Variants in TPTE2 observed in about 807,000 individuals in gnomAD.
TPTE2 encodes transmembrane phosphoinositide 3-phosphatase and tensin homolog 2.
TPTE2 carries 53 observed loss-of-function variants against 78.6 expected under a neutral mutation model. That is an observed-to-expected ratio of 0.67 (90% confidence interval 0.54 to 0.85). The LOEUF (loss-of-function observed/expected upper bound fraction) is 0.85. TPTE2 is among the 40% of genes least tolerant of loss of function. The pLI, the probability that TPTE2 is intolerant of heterozygous loss-of-function variation, is 0.00. For missense variants in TPTE2, 461 were observed against 623.0 expected, an observed-to-expected ratio of 0.74 and a Z score of 2.77; for synonymous variants, 175 against 206.2, an observed-to-expected ratio of 0.85 and a Z score of 1.30.
At chr13:19,448,309 G>A (rs986806103) in intron 13 of TPTE2, among the ~76,000 whole-genome samples, 4 of 152,130 alleles carry the variant, frequency 2.6e-5, no homozygotes, top group African/African-American at 9.7e-5. Context: ...GGCAACAAAA[G>A]AAAAAGTAGA....
intron 1 of TPTE2, among the ~76,000 whole-genome samples, chr13:19,521,483 TA>T (rs1423223475): frequency 6.6e-6 from 1 of 152,062 alleles, no homozygotes; most frequent in East Asian, 1.9e-4. Context: ...ACAAGTCTCT[TA>T]TAGACAGCAT....
chr13:19,553,330 G>T, the TPTE2 span, among the ~76,000 whole-genome samples: 2 of 152,176 alleles, frequency 1.3e-5, no homozygotes, highest in East Asian at 3.8e-4. Flanking sequence ...ATTCCCACCA[G>T]TTACTGCTGC....
At chr13:19,443,737 TACAC>T (rs373060672) in intron 13 of TPTE2, among the ~76,000 whole-genome samples, 14,459 of 129,580 alleles carry the variant, frequency 0.11, 1,160 homozygotes, top group East Asian at 0.44. Context: ...TGGTAGCTAA[TACAC>T]ACACACACAC....
At chr13:19,524,238 T>G (rs1870364289) in intron 1 of TPTE2, among the ~76,000 whole-genome samples, 1 of 152,164 alleles carries the variant, frequency 6.6e-6, no homozygotes, top group African/African-American at 2.4e-5. Context: ...ATATGACAAG[T>G]GAACCAATAA....
At chr13:19,458,865 T>C in intron 10 of TPTE2, 1 of 310,536 alleles carries the variant, frequency 3.2e-6, no homozygotes, top group East Asian at 7.8e-5. Flanking sequence ...TGAATACTGC[T>C]GCAATGAACA....
At chr13:19,475,270 G>C (rs1317235125) in intron 5 of TPTE2, among the ~76,000 whole-genome samples, 1 of 151,186 alleles carries the variant, frequency 6.6e-6, no homozygotes, top group Non-Finnish European at 1.5e-5. Context: ...GTGTCGCCAA[G>C]GCTGCAGTGC....
chr13:19,504,464 T>C (rs1868857315), upstream of TPTE2, among the ~76,000 whole-genome samples: 1 of 151,982 alleles, frequency 6.6e-6, no homozygotes. Flanking sequence ...GCTCTGGGTG[T>C]GAGGAACCCT....
intron 4 of TPTE2, among the ~76,000 whole-genome samples, chr13:19,476,003 G>A (rs1268861192): frequency 2.0e-5 from 3 of 152,132 alleles, no homozygotes; most frequent in Admixed American, 6.6e-5. Flanking sequence ...TCAAACTTTG[G>A]CCAGATCTCA....
intron 3 of TPTE2, among the ~76,000 whole-genome samples, chr13:19,483,158 G>A (rs572450146): frequency 6.6e-6 from 1 of 152,370 alleles, no homozygotes; most frequent in African/African-American, 2.4e-5. Flanking sequence ...CATGGCTGCT[G>A]ACTGATCAGA....
the TPTE2 span, chr13:19,560,720 G>A: frequency 6.7e-7 from 1 of 1,488,370 alleles, no homozygotes; most frequent in South Asian, 1.2e-5. Context: ...CCTGTCGTCT[G>A]GGGGCCTCCA....
intron 1 of TPTE2, among the ~76,000 whole-genome samples, chr13:19,525,862 T>C (rs1870463786): frequency 6.8e-6 from 1 of 147,822 alleles, no homozygotes; most frequent in Non-Finnish European, 1.5e-5. Context: ...ACAACCTCAC[T>C]AAAAAAAAAG....
chr13:19,519,466 A>C (rs1870015809), intron 1 of TPTE2, among the ~76,000 whole-genome samples: 1 of 152,204 alleles, frequency 6.6e-6, no homozygotes. Context: ...GTATGATGTG[A>C]GAAAGAGATC....
At chr13:19,456,110 A>T (rs1878522981) in intron 10 of TPTE2, among the ~76,000 whole-genome samples, 1 of 152,210 alleles carries the variant, frequency 6.6e-6, no homozygotes, top group South Asian at 2.1e-4. Flanking sequence ...CATACATTTT[A>T]AAAATCCCAG....
intron 3 of TPTE2, among the ~76,000 whole-genome samples, chr13:19,490,518 C>T (rs1566062345): frequency 6.6e-6 from 1 of 152,132 alleles, no homozygotes; most frequent in Non-Finnish European, 1.5e-5. Context: ...CATTTCTTTA[C>T]TCCTAAACCT....
At chr13:19,473,810 T>C in intron 6 of TPTE2, 104 bp downstream of exon 9, 2 of 1,019,906 alleles carry the variant, frequency 2.0e-6, no homozygotes, top group Non-Finnish European at 2.7e-6. Flanking sequence ...TGGCCAGGAT[T>C]GTGTCGAACT....
the TPTE2 span, among the ~76,000 whole-genome samples, chr13:19,555,899 G>A: frequency 1.4e-5 from 2 of 138,022 alleles, no homozygotes; most frequent in Non-Finnish European, 3.0e-5. Flanking sequence ...TGCAACCTCC[G>A]CCTCCTGGGT....
rs1057059522 is a variant in TPTE2, at chr13:19,535,591, A to C, written c.-44+1005T>G. Reference sequence around the variant, plus strand: ...TTAATAAGTGACTGAGGTTCTAAGTAATACTATCTCCAGGATTTTCTTATT... The same window carrying C: ...TTAATAAGTGACTGAGGTTCTAAGTCATACTATCTCCAGGATTTTCTTATT... On this transcript the variant is annotated intron_variant, in intron 1 of 17. Transcript: ENST00000390680. The surrounding 1 kb of genome is among the most constrained non-coding windows in gnomAD (Gnocchi z 5.1). Among the ~76,000 whole-genome samples the C allele has an allele frequency of 6.6e-6, 1 of 151,752 alleles. No homozygotes were observed. The highest frequency in any genetic ancestry group is 1.5e-5 in the Non-Finnish European group (1 of 67,972).
chr13:19,514,592 A>AGTGTGTGTGTGTGTGTGGGT (rs1869669432), intron 1 of TPTE2, among the ~76,000 whole-genome samples: 1 of 126,710 alleles, frequency 7.9e-6, no homozygotes, highest in East Asian at 2.7e-4. Context: ...TACTTCTGAG[A>AGTGTGTGTGTGTGTGTGGGT]GTGTGTGTGT....
intron 13 of TPTE2, among the ~76,000 whole-genome samples, chr13:19,447,836 A>C (rs1305057316): frequency 1.3e-5 from 2 of 152,194 alleles, no homozygotes; most frequent in South Asian, 2.1e-4. Context: ...TCCCCATTTT[A>C]ACCCCACCAA....
Sources: gnomAD v4.1 joint callset for allele counts (sites outside exome capture counted in the v4.1 genomes callset) on GRCh38, gnomAD v4.1.1 for gene constraint, Gnocchi (gnomAD v3.1) non-coding constraint, MANE v1.5 for transcripts, NCBI Gene and HGNC (gene_info 2026-07-23, HGNC 2026-07-21) for gene names.